The following OBP2B variants were observed in gnomAD, a reference collection of about 807,000 sequenced individuals.
OBP2B encodes the protein odorant-binding protein 2b.
A neutral mutation model predicts 21.7 loss-of-function variants in OBP2B; 10 were observed. The ratio of observed to expected loss-of-function variants is 0.46; its 90% CI spans 0.28 to 0.78. The LOEUF is 0.78. Ranked by LOEUF, OBP2B falls within the 30% of genes least tolerant of loss-of-function variation. The pLI is 0.11. For synonymous variants in OBP2B, 73 were observed against 91.5 expected, an observed-to-expected ratio of 0.80 and a Z score of 1.16; for missense variants, 153 against 217.7, an observed-to-expected ratio of 0.70 and a Z score of 1.87.
intron 5 of OBP2B, 42 bp from the exon 6 acceptor site, chr9:133,205,982 A>T (rs782435378): frequency 2.5e-6 from 4 of 1,613,690 alleles, no homozygotes; most frequent in Admixed American, 1.7e-5. Context: ...AAGGCGCCCT[A>T]GACCAGGGCC....
At chr9:133,214,868 C>T in the OBP2B span, among the ~76,000 whole-genome samples, 1 of 152,230 alleles carries the variant, frequency 6.6e-6, no homozygotes, top group Admixed American at 6.5e-5. Flanking sequence ...TGTCCACTTT[C>T]ACCACTTGTA....
chr9:133,216,496 A>AC, the OBP2B span, among the ~76,000 whole-genome samples: 2 of 150,684 alleles, frequency 1.3e-5, no homozygotes, highest in South Asian at 4.2e-4. Context: ...AAAAAAAAAA[A>AC]CCCTGCAACA....
intron 6 of OBP2B, 134 bp downstream of exon 6, chr9:133,205,783 T>C (rs1334345358): frequency 1.5e-5 from 20 of 1,373,316 alleles, no homozygotes; most frequent in Non-Finnish European, 2.0e-5. Context: ...GACTCTGAGG[T>C]GCCAACCTCG....
At chr9:133,207,152 G>T in intron 4 of OBP2B, 74 bp downstream of exon 4, 1 of 1,033,484 alleles carries the variant, frequency 9.7e-7, no homozygotes, top group Non-Finnish European at 1.5e-6. Context: ...CCAGGGCATG[G>T]TGGTGCTGGT....
the OBP2B span, among the ~76,000 whole-genome samples, chr9:133,221,367 C>T: frequency 3.3e-5 from 5 of 152,176 alleles, no homozygotes; most frequent in African/African-American, 4.8e-5. Context: ...TCTACAGGCG[C>T]GTGTGCAGAT....
chr9:133,205,585 G>A (rs1833677783), intron 6 of OBP2B, 174 bp from the exon 7 acceptor site: 2 of 610,256 alleles, frequency 3.3e-6, no homozygotes. Flanking sequence ...AGCATCCTTG[G>A]TGGGTGGATG....
At chr9:133,214,808 G>A in the OBP2B span, among the ~76,000 whole-genome samples, 2 of 152,372 alleles carry the variant, frequency 1.3e-5, no homozygotes, top group South Asian at 4.1e-4. Context: ...TTGAGGCTGG[G>A]ATACTCAGTT....
the OBP2B span, among the ~76,000 whole-genome samples, chr9:133,219,599 C>T: frequency 2.0e-5 from 3 of 152,162 alleles, no homozygotes; most frequent in Non-Finnish European, 4.4e-5. Context: ...GCTAGAATCA[C>T]AAAGCCAGAT....
Position 133,208,540 on chromosome 9 carries a change from C to T in OBP2B, c.135G>A (p.Arg45=). ...VVDKDFPEDR[R]PRKVSPVKVT... ...CCTTCACTGGGGACACCTTCCTGGG[C>T]CTCCTGTCCTCCGGAAAGTCCTTAT... is the stretch of plus-strand genomic sequence containing the variant. The change falls in exon 2 of 7, where the codon AGG becomes AGA. Residue 45 remains arginine, a synonymous_variant. Coordinates refer to ENST00000372034, the MANE Select transcript of OBP2B (RefSeq NM_014581.4). 1.2e-6 allele frequency: 2 copies of T among 1,613,512 alleles called. No individual in the cohort carries two copies. Among genetic ancestry groups the T allele is most frequent in the African/African-American group, 1.3e-5 (1 of 74,996 alleles).
the OBP2B span, among the ~76,000 whole-genome samples, chr9:133,215,262 A>T: frequency 6.6e-6 from 1 of 152,238 alleles, no homozygotes; most frequent in East Asian, 1.9e-4. Flanking sequence ...TTATAAAATA[A>T]ATCAAAGAAG....
chr9:133,219,054 T>C, the OBP2B span, among the ~76,000 whole-genome samples: 3 of 152,238 alleles, frequency 2.0e-5, no homozygotes, highest in African/African-American at 4.8e-5. Context: ...CTTCAACAAA[T>C]GGCTCTGGGA....
upstream of OBP2B, among the ~76,000 whole-genome samples, chr9:133,213,457 A>G (rs1403187294): frequency 6.6e-6 from 1 of 152,220 alleles, no homozygotes; most frequent in African/African-American, 2.4e-5. Context: ...AGCAGAAAGC[A>G]GAAAAAATCG....
chr9:133,222,306 G>C, the OBP2B span, among the ~76,000 whole-genome samples: 1 of 152,228 alleles, frequency 6.6e-6, no homozygotes, highest in African/African-American at 2.4e-5. Flanking sequence ...GGCACTGCAG[G>C]TGAATTTGCT....
chr9:133,207,388 C>T, intron 3 of OBP2B, 52 bp from the exon 4 acceptor site: 2 of 1,204,940 alleles, frequency 1.7e-6, no homozygotes, highest in Admixed American at 1.8e-5. Context: ...CTCGGGGCCA[C>T]ATGAAGAAAC....
chr9:133,206,892 G>A (rs1397883911), intron 4 of OBP2B, among the ~76,000 whole-genome samples: 6 of 151,978 alleles, frequency 3.9e-5, no homozygotes, highest in East Asian at 3.9e-4. Context: ...CAGAGGCACC[G>A]GCCACCCTCC....
chr9:133,213,028 C>G (rs1339931727), upstream of OBP2B, among the ~76,000 whole-genome samples: 1 of 152,066 alleles, frequency 6.6e-6, no homozygotes. Flanking sequence ...AGTTCGAGAC[C>G]AGCCTGGACA....
chr9:133,208,204 C>A lies in OBP2B; in HGVS notation c.207-1G>T. 1 of 1,612,006 alleles carries A rather than the reference C, an allele frequency of 6.2e-7. No individual in the cohort carries two copies. The highest frequency in any genetic ancestry group is 8.5e-7 in the Non-Finnish European group (1 of 1,179,856). ...CTTCTGGATGCACCTATCCTCCCTCCTGGAAAACAGGAGACACGCGGGCAG... is the reference window on the plus strand; with the variant it reads ...CTTCTGGATGCACCTATCCTCCCTCATGGAAAACAGGAGACACGCGGGCAG... On this transcript the variant is annotated splice_acceptor_variant, in intron 2 of 6. Coordinates refer to ENST00000372034, the MANE Select transcript of OBP2B (RefSeq NM_014581.4). LOFTEE classifies it high-confidence loss of function.
the OBP2B span, among the ~76,000 whole-genome samples, chr9:133,221,587 C>T: frequency 1.3e-5 from 2 of 152,246 alleles, no homozygotes; most frequent in South Asian, 2.1e-4. Context: ...GAGAATGGGG[C>T]GGGGACTGCC....
chr9:133,209,904 C>T (rs1265321913), upstream of OBP2B, among the ~76,000 whole-genome samples: 1 of 152,228 alleles, frequency 6.6e-6, no homozygotes, highest in Non-Finnish European at 1.5e-5. This position sits in a 1 kb window ranked among gnomAD's most constrained non-coding sequence, Gnocchi z 6.0. Flanking sequence ...GTACCGGAGC[C>T]TGGCTGTGCT....
Sources: gnomAD v4.1 joint callset for allele counts (sites outside exome capture counted in the v4.1 genomes callset) on GRCh38, gnomAD v4.1.1 for gene constraint, Gnocchi (gnomAD v3.1) non-coding constraint, MANE v1.5 for transcripts, NCBI Gene and HGNC (gene_info 2026-07-23, HGNC 2026-07-21) for gene names.